SLC25A30: variants seen among roughly 807,000 people sequenced by gnomAD.
SLC25A30 encodes solute carrier family 25 member 30.
In SLC25A30, 29 loss-of-function variants were observed where a neutral mutation model predicts 42.7. The ratio of observed to expected loss-of-function variants is 0.68; its 90% CI spans 0.51 to 0.93. The LOEUF (loss-of-function observed/expected upper bound fraction) is 0.93, where lower values mean the gene tolerates loss of function less well. SLC25A30 is among the 40% of genes least tolerant of loss of function. The probability of loss-of-function intolerance (pLI) is 0.00; values close to 1 mark genes in which losing one functional copy is unlikely to be tolerated. For synonymous variants in SLC25A30, 124 were observed against 131.0 expected (o/e 0.95, Z 0.37); for missense variants, 300 against 359.7 (o/e 0.83, Z 1.34).
rs1001035017 is a variant in SLC25A30, at chr13:45,408,979, G to A, written c.160C>T (p.His54Tyr). The A allele has an allele frequency of 6.2e-7, 1 of 1,613,500 alleles. No homozygotes were observed. The highest frequency in any genetic ancestry group is 1.7e-5 in the Admixed American group (1 of 59,872). The change falls in exon 3 of 10, where the codon CAC becomes TAC. Residue 54 changes from histidine (H) to tyrosine (Y), a missense_variant. His to Tyr is a moderately conservative substitution (Grantham distance 83). Transcript: ENST00000519676. ...TCTCTGCCTATCCTCACTAATGCGTGCAACATTCCTCGGTATCTAATTTCC... is the reference window on the plus strand; with the variant it reads ...TCTCTGCCTATCCTCACTAATGCGTACAACATTCCTCGGTATCTAATTTCC... Reference protein sequence around the residue: ...FKEIRYRGMLHALVRIGREEG... With the variant: ...FKEIRYRGMLYALVRIGREEG...
chr13:45,398,190 G>T, intron 8 of SLC25A30: 1 of 237,660 alleles, frequency 4.2e-6, no homozygotes, highest in Non-Finnish European at 6.8e-6. Flanking sequence ...ATTATCCTGA[G>T]CAAACTAACG....
intron 1 of SLC25A30, among the ~76,000 whole-genome samples, chr13:45,415,753 A>G (rs1286801260): frequency 1.4e-5 from 2 of 146,350 alleles, no homozygotes; most frequent in African/African-American, 5.0e-5. Flanking sequence ...CTCCATCACA[A>G]AAAAAAAAAA....
At chr13:45,408,508 C>T (rs1393853106) in intron 3 of SLC25A30, among the ~76,000 whole-genome samples, 1 of 152,068 alleles carries the variant, frequency 6.6e-6, no homozygotes, top group East Asian at 1.9e-4. Context: ...ACTCACTATC[C>T]AGTGCCTACA....
At chr13:45,408,301 C>A (rs771708095) in intron 3 of SLC25A30, among the ~76,000 whole-genome samples, 8 of 151,984 alleles carry the variant, frequency 5.3e-5, no homozygotes, top group Admixed American at 2.6e-4. Flanking sequence ...AGATGGAGTC[C>A]CAGATTTTTA....
intron 8 of SLC25A30, chr13:45,397,869 GAGAT>G: frequency 1.0e-6 from 1 of 985,244 alleles, no homozygotes; most frequent in Non-Finnish European, 1.2e-6. Context: ...CCACACAAAG[GAGAT>G]AAACACTGTT....
At chr13:45,432,288 G>A in the SLC25A30 span, among the ~76,000 whole-genome samples, 27 of 150,244 alleles carry the variant, frequency 1.8e-4, no homozygotes, top group Admixed American at 1.0e-3. Flanking sequence ...AAAAAAAACA[G>A]TGTTACTTAT....
chr13:45,418,770 C>T (rs912555151), upstream of SLC25A30: 6 of 151,802 alleles, frequency 4.0e-5, no homozygotes, highest in Admixed American at 2.0e-4. Flanking sequence ...TATACCCCAG[C>T]TTTTAGCTTG....
At chr13:45,410,361 C>A (rs1473811315) in intron 2 of SLC25A30, among the ~76,000 whole-genome samples, 2 of 152,172 alleles carry the variant, frequency 1.3e-5, no homozygotes, top group Non-Finnish European at 2.9e-5. Context: ...CGGACAGACA[C>A]AATCCAAAAA....
intron 1 of SLC25A30, among the ~76,000 whole-genome samples, chr13:45,413,739 G>T (rs1478599614): frequency 6.6e-6 from 1 of 152,180 alleles, no homozygotes; most frequent in Non-Finnish European, 1.5e-5. Flanking sequence ...TTTTAATAGA[G>T]ACAGGATTTC....
At chr13:45,426,024 A>G in the SLC25A30 span, among the ~76,000 whole-genome samples, 1 of 147,326 alleles carries the variant, frequency 6.8e-6, no homozygotes, top group Non-Finnish European at 1.5e-5. Flanking sequence ...TACATATAAA[A>G]TATATAAAGT....
the SLC25A30 span, among the ~76,000 whole-genome samples, chr13:45,425,092 ATATT>A: frequency 8.6e-4 from 4 of 4,672 alleles, 1 homozygote; most frequent in African/African-American, 2.5e-3. Flanking sequence ...ATATATAAAT[ATATT>A]TATAAATATA....
chr13:45,423,815 A>ATATAT, the SLC25A30 span, among the ~76,000 whole-genome samples: 1 of 55,736 alleles, frequency 1.8e-5, no homozygotes, highest in African/African-American at 7.1e-5. Context: ...TATATATAAA[A>ATATAT]ATATAAATAT....
intron 1 of SLC25A30, 60 bp from the exon 2 acceptor site, chr13:45,411,540 C>T (rs1883030143): frequency 2.9e-6 from 3 of 1,044,006 alleles, no homozygotes; most frequent in Admixed American, 2.0e-5. Flanking sequence ...GTTTCTTCTC[C>T]AAACTCTTCC....
intron 8 of SLC25A30, chr13:45,397,668 C>T (rs1881492427): frequency 1.1e-5 from 2 of 177,970 alleles, no homozygotes; most frequent in South Asian, 3.3e-4. Flanking sequence ...TGCACTCCAG[C>T]CTGGGCGACA....
intron 1 of SLC25A30, among the ~76,000 whole-genome samples, chr13:45,415,796 A>ATTTTTT (rs557873011): frequency 1.0e-5 from 1 of 96,106 alleles, no homozygotes; most frequent in African/African-American, 4.0e-5. Context: ...TGGCTGAATA[A>ATTTTTT]TTTTTTTTTT....
In SLC25A30 at chr13:45,399,147, AG is replaced by A. The variant is rs1881678254; in HGVS notation, c.615-70del. On this transcript the variant is annotated intron_variant, in intron 7 of 9. Coordinates refer to ENST00000519676, the MANE Select transcript of SLC25A30 (RefSeq NM_001010875.4). ...CTGAGCTACAACCACCATCAAAGGCAGAAAACAGCTTCTGCCCAAACTATGG... is the reference window on the plus strand; with the variant it reads ...CTGAGCTACAACCACCATCAAAGGCAAAAACAGCTTCTGCCCAAACTATGG... The A allele has an allele frequency of 4.1e-6, 6 of 1,457,022 alleles. No individual in the cohort carries two copies. The Admixed American group carries it at 9.3e-5, about 22-fold the overall frequency. 90.3% of individuals were successfully genotyped at this position (1,457,022 alleles called of 1,614,324 possible).
At chr13:45,425,080 A>G in the SLC25A30 span, among the ~76,000 whole-genome samples, 15 of 31,372 alleles carry the variant, frequency 4.8e-4, 6 homozygotes, top group African/African-American at 2.1e-3. Context: ...ACATATATAT[A>G]AATATATAAA....
chr13:45,431,172 C>G, the SLC25A30 span, among the ~76,000 whole-genome samples: 8 of 151,876 alleles, frequency 5.3e-5, no homozygotes, highest in African/African-American at 1.9e-4. Context: ...CTCAGCCTCC[C>G]GAGTAGCTGG....
chr13:45,419,114 A>G (rs5025338), upstream of SLC25A30, among the ~76,000 whole-genome samples: 76,351 of 135,982 alleles, frequency 0.56, 22,588 homozygotes, highest in African/African-American at 0.68. Flanking sequence ...CTGGGCGACA[A>G]AGTGATACTC....
Sources: allele counts gnomAD v4.1 joint callset (sites outside exome capture counted in the v4.1 genomes callset), GRCh38; gene constraint gnomAD v4.1.1; transcripts MANE v1.5; gene names NCBI Gene and HGNC (gene_info 2026-07-23, HGNC 2026-07-21).